INSYN2B: variants seen among roughly 807,000 people sequenced by gnomAD.
INSYN2B encodes inhibitory synaptic factor family member 2B.
Under a neutral mutation model 41.2 loss-of-function variants are expected in INSYN2B, and 16 were observed. The observed-to-expected ratio is 0.39, with a 90% CI of 0.26 to 0.59. The LOEUF is 0.59. INSYN2B is among the 20% of genes least tolerant of loss of function. The probability of loss-of-function intolerance (pLI) is 0.57; values close to 1 mark genes in which losing one functional copy is unlikely to be tolerated. For synonymous variants in INSYN2B, 245 were observed against 244.4 expected (o/e 1.00, Z -0.02); for missense variants, 608 against 646.4 (o/e 0.94, Z 0.64).
chr5:169,920,225 T>C (rs1467331051), intron 1 of INSYN2B, among the ~76,000 whole-genome samples: 5 of 152,178 alleles, frequency 3.3e-5, no homozygotes, highest in Non-Finnish European at 5.9e-5. Context: ...CCATGCCATA[T>C]TGCTGGCACC....
At position 169,881,433 on chromosome 5, in the gene INSYN2B, A is replaced by C; in HGVS notation, c.1356T>G (p.Phe452Leu). 6.4e-7 allele frequency: 1 copy of C among 1,551,480 alleles called. No individual in the cohort carries two copies. Among genetic ancestry groups the C allele is most frequent in the East Asian group, 2.4e-5 (1 of 40,906 alleles). ...KARALTEGRN[F>L]YRTGQDLNNC... Reference sequence around the variant, plus strand: ...TGTTGAGATCTTGGCCAGTTCGATAAAAGTTGCGCCTGCAAGACAGAGCAT... The same window carrying C: ...TGTTGAGATCTTGGCCAGTTCGATACAAGTTGCGCCTGCAAGACAGAGCAT... Residue 452 changes from phenylalanine (F) to leucine (L), a missense_variant, in exon 3 of 4, where the codon TTT becomes TTG. Transcript: ENST00000377365.
intron 1 of INSYN2B, among the ~76,000 whole-genome samples, chr5:169,901,059 C>A (rs928216893): frequency 1.3e-5 from 2 of 152,002 alleles, no homozygotes; most frequent in Non-Finnish European, 2.9e-5. Flanking sequence ...GATGTTGTGA[C>A]CAAAAAATAG....
intron 1 of INSYN2B, among the ~76,000 whole-genome samples, chr5:169,904,550 G>T (rs2113595768): frequency 6.6e-6 from 1 of 152,156 alleles, no homozygotes; most frequent in East Asian, 1.9e-4. Context: ...GAGAGCTCAG[G>T]CCTTTAGAGT....
chr5:169,936,047 A>T (rs6859903), intron 1 of INSYN2B, among the ~76,000 whole-genome samples: 40,005 of 152,046 alleles, frequency 0.26, 5,416 homozygotes, highest in Non-Finnish European at 0.29. Context: ...ACTGTAAAGA[A>T]GTCTGTTTCT....
At position 169,891,543 on chromosome 5, in the gene INSYN2B, G is replaced by A. The variant is rs558123344; in HGVS notation, c.-918-6727C>T. Among the ~76,000 whole-genome samples the A allele has an allele frequency of 3.3e-5, 5 of 151,576 alleles. No individual in the cohort carries two copies. The South Asian group carries it at 6.3e-4, about 19-fold the overall frequency. The stretch of plus-strand genomic sequence containing the variant: ...AAGCACAATTCCAATATCTAAAACA[G>A]AATAAAGTGGAGTTGTTCTAGAAAA... On this transcript the variant is annotated intron_variant, in intron 1 of 3. Transcript: ENST00000377365.
At chr5:169,895,007 T>G (rs1053836534) in intron 1 of INSYN2B, among the ~76,000 whole-genome samples, 3 of 152,166 alleles carry the variant, frequency 2.0e-5, no homozygotes, top group Non-Finnish European at 4.4e-5. Context: ...TTGTCATTCA[T>G]TTCCTCCTCT....
At chr5:169,963,814 C>T (rs1777188767) in intron 1 of INSYN2B, among the ~76,000 whole-genome samples, 1 of 152,088 alleles carries the variant, frequency 6.6e-6, no homozygotes, top group South Asian at 2.1e-4. Context: ...CCTTGAGCAC[C>T]CAGCAGAGTC....
intron 1 of INSYN2B, among the ~76,000 whole-genome samples, chr5:169,925,551 G>T (rs1036760464): frequency 7.8e-6 from 1 of 128,572 alleles, no homozygotes; most frequent in Non-Finnish European, 1.5e-5. Context: ...CTGAACTCCA[G>T]CCTGGGCGAC....
At chr5:169,888,588 C>T (rs1742229845) in intron 1 of INSYN2B, among the ~76,000 whole-genome samples, 1 of 152,096 alleles carries the variant, frequency 6.6e-6, no homozygotes. Context: ...GAATTCCTGC[C>T]CAGTCCTCTT....
chr5:169,883,358 C>T lies in INSYN2B; in HGVS notation c.541G>A (p.Gly181Ser). The T allele has an allele frequency of 1.3e-6, 2 of 1,551,652 alleles. No individual in the cohort carries two copies. The highest frequency in any genetic ancestry group is 2.4e-5 in the East Asian group (1 of 40,912). ...GCTTCCAAGCATATGCTAACAGGAC[C>T]ATTGCTTTGCACCTTGGGGACCCTT... ...LPRVPKVQSN[G>S]PVSICLEAGT... is the part of the protein sequence containing the mutation. The change falls in exon 2 of 4, where the codon GGT becomes AGT. Residue 181 changes from glycine (G) to serine (S), a missense_variant. By Grantham distance (56) the Gly-to-Ser change is moderately conservative (BLOSUM62 0). Transcript: ENST00000377365.
rs766284277 is a variant in INSYN2B at position 169,864,254 on chromosome 5, G to C, written c.*19C>G. The C allele has an allele frequency of 6.5e-7, 1 of 1,549,856 alleles. No individual in the cohort carries two copies. The highest frequency in any genetic ancestry group is 2.0e-5 in the Admixed American group (1 of 50,982). ...GGAAGTGCGTGGAGTTGGGGGGCTG[G>C]GGGATGGTCCCAACCAGCTCAGATC... On this transcript the variant is annotated 3_prime_UTR_variant, in exon 4 of 4. Coordinates refer to ENST00000377365, the MANE Select transcript of INSYN2B (RefSeq NM_001129891.3).
At chr5:169,954,409 TTTATC>T (rs1157538403) in intron 1 of INSYN2B, among the ~76,000 whole-genome samples, 3 of 152,234 alleles carry the variant, frequency 2.0e-5, no homozygotes, top group African/African-American at 7.2e-5. Flanking sequence ...ATTTTTCAGT[TTTATC>T]TTTTTGTATT....
chr5:169,945,199 T>G (rs1455566441), intron 1 of INSYN2B, among the ~76,000 whole-genome samples: 1 of 152,254 alleles, frequency 6.6e-6, no homozygotes, highest in Non-Finnish European at 1.5e-5. Flanking sequence ...GTGCTGCAGC[T>G]GTATGAGCTT....
intron 1 of INSYN2B, among the ~76,000 whole-genome samples, chr5:169,923,987 A>G (rs1172833897): frequency 2.6e-5 from 4 of 152,232 alleles, no homozygotes; most frequent in Non-Finnish European, 5.9e-5. Context: ...CTGGATTAAT[A>G]ACGTTTATCA....
chr5:169,966,084 G>T, intron 1 of INSYN2B, among the ~76,000 whole-genome samples: 1 of 152,288 alleles, frequency 6.6e-6, no homozygotes. Context: ...TCTCGAAATG[G>T]CAATGTGCAA....
chr5:169,926,515 A>G (rs1005629259), intron 1 of INSYN2B, among the ~76,000 whole-genome samples: 14 of 152,166 alleles, frequency 9.2e-5, no homozygotes, highest in African/African-American at 2.7e-4. Flanking sequence ...TGTGAACATG[A>G]TGACTGAGAA....
intron 1 of INSYN2B, among the ~76,000 whole-genome samples, chr5:169,925,522 A>G (rs1775392577): frequency 6.8e-6 from 1 of 147,196 alleles, no homozygotes; most frequent in South Asian, 2.2e-4. Flanking sequence ...GGAGATTGCA[A>G]TGAGCTAAGA....
At position 169,864,174 on chromosome 5, in the gene INSYN2B, G is replaced by A; in HGVS notation, c.*99C>T. The A allele has an allele frequency of 9.2e-7, 1 of 1,088,016 alleles. No individual in the cohort carries two copies. Among genetic ancestry groups the A allele is most frequent in the Non-Finnish European group, 1.4e-6 (1 of 737,236 alleles). The allele number at this position is 1,088,016 out of a possible 1,614,324, so 67.4% of individuals were successfully genotyped here. The stretch of plus-strand genomic sequence containing the variant: ...CACAGGCCAAGGGGCTCACAGCCCA[G>A]GGCCTTTGCAAAGAAGCAGGGCAGG... On this transcript the variant is annotated 3_prime_UTR_variant, in exon 4 of 4. Transcript: ENST00000377365.
chr5:169,966,916 G>A (rs983635887), intron 1 of INSYN2B, among the ~76,000 whole-genome samples: 11 of 152,136 alleles, frequency 7.2e-5, no homozygotes, highest in Admixed American at 1.3e-4. Context: ...CAATCCATGC[G>A]CCATCAAATT....
Sources: gnomAD v4.1 joint callset for allele counts (sites outside exome capture counted in the v4.1 genomes callset) on GRCh38, gnomAD v4.1.1 for gene constraint, MANE v1.5 for transcripts, NCBI Gene and HGNC (gene_info 2026-07-23, HGNC 2026-07-21) for gene names.